ERICH1: variants seen among roughly 807,000 people sequenced by gnomAD.
The protein encoded by ERICH1 is glutamate-rich protein 1.
Under a neutral mutation model 39.6 loss-of-function variants are expected in ERICH1, and 56 were observed. That is an observed-to-expected ratio of 1.41 (90% confidence interval 1.14 to 1.77). The LOEUF is 1.77. ERICH1 is among the 40% of genes most tolerant of loss of function. The pLI, the probability that ERICH1 is intolerant of heterozygous loss-of-function variation, is 0.00. For missense variants in ERICH1, 826 were observed against 575.4 expected, an observed-to-expected ratio of 1.44 and a Z score of -4.45; for synonymous variants, 313 against 223.6, an observed-to-expected ratio of 1.40 and a Z score of -3.57.
chr8:694,932 A>T (rs1809795951), intron 2 of ERICH1, among the ~76,000 whole-genome samples: 1 of 152,108 alleles, frequency 6.6e-6, no homozygotes, highest in Non-Finnish European at 1.5e-5. Flanking sequence ...TGGACCTGGC[A>T]TCTAAGAGTC....
intron 3 of ERICH1, among the ~76,000 whole-genome samples, chr8:678,458 C>T (rs1035440372): frequency 1.3e-5 from 2 of 152,192 alleles, no homozygotes; most frequent in African/African-American, 4.8e-5. Context: ...TCACAATATT[C>T]CTGCATCTGT....
intron 1 of ERICH1, among the ~76,000 whole-genome samples, chr8:721,379 C>T (rs1817269064): frequency 6.6e-6 from 1 of 152,222 alleles, no homozygotes; most frequent in Non-Finnish European, 1.5e-5. Context: ...AGACGAGCTT[C>T]ACTTCCTCCC....
At chr8:620,481 G>A (rs999899669) in intron 3 of ERICH1, among the ~76,000 whole-genome samples, 1 of 152,184 alleles carries the variant, frequency 6.6e-6, no homozygotes, top group Non-Finnish European at 1.5e-5. Flanking sequence ...TCAAGTGTGT[G>A]TCTCTGTGTG....
chr8:615,679 G>A (rs1052680694), intron 3 of ERICH1: 5 of 164,760 alleles, frequency 3.0e-5, no homozygotes, highest in African/African-American at 1.2e-4. Context: ...AAGGTAGTCA[G>A]TCTAGTCTAA....
In ERICH1 at chr8:644,606, G is replaced by C. The variant is rs1289601060; in HGVS notation, c.976+23992C>G. 2.9e-5 allele frequency among the ~76,000 whole-genome samples: 2 copies of C among 69,038 alleles called. 1 individual carries two copies. Among genetic ancestry groups the C allele is most frequent in the Non-Finnish European group, 9.1e-5 (2 of 22,080 alleles). The allele number at this position is 69,038 out of a possible 152,430, so 45.3% of individuals were successfully genotyped here. ...AAGCTATAGACGTAGAGAATCACCT[G>C]TAGCAAGTTAACAGGACCCCAGCGC... On this transcript the variant is annotated intron_variant, in intron 3 of 3. Coordinates refer to the ERICH1 transcript ENST00000522706.
At chr8:625,797 C>G (rs931092965) in intron 3 of ERICH1, 1 of 152,286 alleles carries the variant, frequency 6.6e-6, no homozygotes, top group East Asian at 1.9e-4. Context: ...CCCGCCTCGC[C>G]GGGCAATGAT....
intron 1 of ERICH1, among the ~76,000 whole-genome samples, chr8:720,026 G>A (rs552197970): frequency 1.4e-3 from 217 of 152,088 alleles, no homozygotes; most frequent in Non-Finnish European, 2.6e-3. Context: ...CCTTCTCCAA[G>A]AAGACCAACA....
rs200683319 is a variant in ERICH1, at chr8:668,814, T to A, written c.1064-22A>T. ...ACACCTACATAAAGTCAGTTTTGCT[T>A]GGAAATACAGTTTTGTTTTTATTTC... On this transcript the variant is annotated intron_variant, in intron 4 of 5. Transcript: ENST00000262109. 10 of 1,568,554 alleles carry A rather than the reference T, an allele frequency of 6.4e-6. No individual in the cohort carries two copies. The South Asian group carries it at 1.2e-4, about 19-fold the overall frequency.
chr8:629,028 G>T (rs1046489023), intron 3 of ERICH1, among the ~76,000 whole-genome samples: 3 of 152,132 alleles, frequency 2.0e-5, no homozygotes, highest in African/African-American at 7.2e-5. Context: ...GGGCTCTCGG[G>T]GCCATGCAAA....
intron 2 of ERICH1, among the ~76,000 whole-genome samples, chr8:698,048 G>A (rs58004422): frequency 0.23 from 34,903 of 152,046 alleles, 4,292 homozygotes; most frequent in Middle Eastern, 0.38. Context: ...CGGACCCGGG[G>A]GTGGGTGTAG....
At chr8:624,136 GC>G (rs1797454116) in intron 3 of ERICH1, among the ~76,000 whole-genome samples, 2 of 152,306 alleles carry the variant, frequency 1.3e-5, no homozygotes, top group Middle Eastern at 3.4e-3. Flanking sequence ...ATGAGCGCAC[GC>G]AAAGATGTTC....
chr8:710,573 T>C lies in ERICH1; in HGVS notation c.169+5288A>G, dbSNP rs551667295. 3.7e-4 allele frequency among the ~76,000 whole-genome samples: 57 copies of C among 152,386 alleles called. 1 individual carries two copies. The highest frequency in any genetic ancestry group is 2.1e-3 in the South Asian group (10 of 4,832). On this transcript the variant is annotated intron_variant, in intron 2 of 5. Coordinates refer to ENST00000262109, the MANE Select transcript of ERICH1 (RefSeq NM_207332.3). Reference sequence around the variant, plus strand: ...CAGTCCTCGGCAGTCACTGATCTTTTTGGGGTCTCCTCAGTTTTGCTTTTC... The same window carrying C: ...CAGTCCTCGGCAGTCACTGATCTTTCTGGGGTCTCCTCAGTTTTGCTTTTC...
At chr8:726,233 C>G (rs1321462842) in intron 1 of ERICH1, among the ~76,000 whole-genome samples, 1 of 152,228 alleles carries the variant, frequency 6.6e-6, no homozygotes, top group Non-Finnish European at 1.5e-5. Flanking sequence ...GCAGGTATCA[C>G]AGGCAAGTTG....
At chr8:652,337 A>T (rs891016761) in intron 3 of ERICH1, among the ~76,000 whole-genome samples, 3 of 152,246 alleles carry the variant, frequency 2.0e-5, no homozygotes, top group Non-Finnish European at 4.4e-5. Context: ...TTAGGGAAGC[A>T]GTGGACAGAG....
At chr8:697,533 C>A (rs889827394) in intron 2 of ERICH1, among the ~76,000 whole-genome samples, 2 of 152,180 alleles carry the variant, frequency 1.3e-5, no homozygotes, top group African/African-American at 4.8e-5. Context: ...CCCAGGCGAC[C>A]CCTCCTCCTG....
intron 3 of ERICH1, chr8:625,658 C>G (rs926223895): frequency 1.3e-5 from 2 of 152,146 alleles, no homozygotes; most frequent in Admixed American, 1.3e-4. Flanking sequence ...AAAATAATAA[C>G]AAAGGACGGA....
chr8:656,079 C>T (rs933108925), intron 3 of ERICH1, among the ~76,000 whole-genome samples: 21 of 152,124 alleles, frequency 1.4e-4, no homozygotes, highest in South Asian at 6.2e-4. Flanking sequence ...TAGACCTGCC[C>T]GCCAGGTCTG....
chr8:665,611 G>C (rs1248886512), intron 5 of ERICH1, among the ~76,000 whole-genome samples: 1 of 152,252 alleles, frequency 6.6e-6, no homozygotes, highest in East Asian at 1.9e-4. Context: ...AGAGGAGGTT[G>C]ATGTTCGGAA....
At chr8:718,762 C>T (rs909754439) in intron 1 of ERICH1, among the ~76,000 whole-genome samples, 2 of 152,200 alleles carry the variant, frequency 1.3e-5, no homozygotes, top group Non-Finnish European at 2.9e-5. Flanking sequence ...GCACAGCGTG[C>T]AGGGACCACA....
Sources: gnomAD v4.1 joint callset for allele counts (sites outside exome capture counted in the v4.1 genomes callset) on GRCh38, gnomAD v4.1.1 for gene constraint, MANE v1.5 for transcripts, NCBI Gene and HGNC (gene_info 2026-07-23, HGNC 2026-07-21) for gene names.